Variants in TBCE observed in about 807,000 individuals in gnomAD.
The protein encoded by TBCE is tubulin folding cofactor E, also known as tubulin-specific chaperone E.
TBCE carries 53 observed loss-of-function variants against 77.0 expected under a neutral mutation model. The observed-to-expected ratio is 0.69, with a 90% CI of 0.55 to 0.87. The LOEUF is 0.87. Ranked by LOEUF, TBCE falls within the 40% of genes least tolerant of loss-of-function variation. The probability of loss-of-function intolerance (pLI) is 0.00; values close to 1 mark genes in which losing one functional copy is unlikely to be tolerated. For missense variants in TBCE, 624 were observed against 622.4 expected (o/e 1.00, Z -0.03); for synonymous variants, 235 against 241.3 (o/e 0.97, Z 0.24).
intron 13 of TBCE, among the ~76,000 whole-genome samples, chr1:235,440,575 G>A (rs1681811446): frequency 1.3e-5 from 2 of 151,912 alleles, no homozygotes; most frequent in African/African-American, 4.8e-5. Context: ...TGTATTTTTA[G>A]TAGAGATGGG....
intron 2 of TBCE, among the ~76,000 whole-genome samples, chr1:235,400,118 A>AATT (rs539643741): frequency 6.2e-4 from 94 of 152,252 alleles, no homozygotes; most frequent in African/African-American, 2.0e-3. Flanking sequence ...CTAGTCTAAT[A>AATT]ATTATACCTC....
intron 5 of TBCE, among the ~76,000 whole-genome samples, chr1:235,420,108 G>C (rs778388357): frequency 6.6e-6 from 1 of 152,114 alleles, no homozygotes; most frequent in Non-Finnish European, 1.5e-5. Flanking sequence ...GGGCACACTT[G>C]TTTGGCCTCT....
chr1:235,440,002 G>T (rs753607579), intron 13 of TBCE, among the ~76,000 whole-genome samples: 1 of 151,518 alleles, frequency 6.6e-6, no homozygotes, highest in African/African-American at 2.4e-5. Flanking sequence ...ACGGAGCCTC[G>T]CTCTGTCGCC....
chr1:235,408,053 C>T (rs1020916010), intron 3 of TBCE, among the ~76,000 whole-genome samples: 2 of 152,178 alleles, frequency 1.3e-5, no homozygotes, highest in African/African-American at 4.8e-5. Context: ...CACTAGGGAG[C>T]AGAATCTAAC....
intron 8 of TBCE, 82 bp from the exon 9 acceptor site, chr1:235,435,659 GCACC>G: frequency 1.5e-6 from 2 of 1,316,150 alleles, no homozygotes; most frequent in East Asian, 4.6e-5. Flanking sequence ...GCCCTCCATC[GCACC>G]AAATGCAGGG....
chr1:235,383,261 C>T (rs1364786698), intron 2 of TBCE, among the ~76,000 whole-genome samples: 4 of 151,876 alleles, frequency 2.6e-5, no homozygotes, highest in African/African-American at 9.7e-5. Context: ...ATGCCTCCAG[C>T]TTTGTTCTTT....
rs1444150345 is a variant in TBCE at position 235,452,246 on chromosome 1, C to T, written c.*3484C>T. On this transcript the variant is annotated 3_prime_UTR_variant, in exon 17 of 17. Coordinates refer to ENST00000642610, the MANE Select transcript of TBCE (RefSeq NM_003193.5). ...AGCCAGGATGGTCTCCATCTCCTGA[C>T]CTCATGATCTGCCCGCCTCGGCCTT... 1 of 152,170 alleles carries T rather than the reference C, an allele frequency of 6.6e-6. No individual in the cohort carries two copies. Among genetic ancestry groups the T allele is most frequent in the African/African-American group, 2.4e-5 (1 of 41,428 alleles). The allele number at this position is 152,170 out of a possible 1,614,324, so 9.4% of individuals were successfully genotyped here. A position where few individuals can be genotyped will look rare whatever the true frequency, so the allele number is the denominator to read the frequency against.
At chr1:235,440,332 GCACCATGCT>G (rs1681787618) in intron 13 of TBCE, among the ~76,000 whole-genome samples, 2 of 151,906 alleles carry the variant, frequency 1.3e-5, no homozygotes, top group Admixed American at 6.6e-5. Context: ...TTCAGGTGGC[GCACCATGCT>G]CCACTGTAGG....
intron 2 of TBCE, among the ~76,000 whole-genome samples, chr1:235,380,893 C>T (rs530256094): frequency 6.6e-6 from 1 of 152,276 alleles, no homozygotes; most frequent in South Asian, 2.1e-4. Flanking sequence ...TCAAGCGATT[C>T]TCCTGCCTCA....
intron 4 of TBCE, among the ~76,000 whole-genome samples, chr1:235,418,118 A>G (rs1450829738): frequency 6.6e-6 from 1 of 152,168 alleles, no homozygotes; most frequent in Non-Finnish European, 1.5e-5. Flanking sequence ...TATTTCACCT[A>G]GCATAATACA....
intron 2 of TBCE, among the ~76,000 whole-genome samples, chr1:235,397,203 T>A (rs1158805363): frequency 1.4e-5 from 2 of 144,266 alleles, no homozygotes; most frequent in South Asian, 4.4e-4. Flanking sequence ...TCAATCTCTT[T>A]TTTTTTTTTT....
At chr1:235,390,907 G>A (rs1450739685) in intron 2 of TBCE, among the ~76,000 whole-genome samples, 1 of 152,050 alleles carries the variant, frequency 6.6e-6, no homozygotes, top group Non-Finnish European at 1.5e-5. Flanking sequence ...TCTAGAAGCT[G>A]GAAAAACTTT....
chr1:235,397,906 CTATCA>C (rs1678838949), intron 2 of TBCE, among the ~76,000 whole-genome samples: 1 of 152,144 alleles, frequency 6.6e-6, no homozygotes, highest in Non-Finnish European at 1.5e-5. Flanking sequence ...AGTTGCTCCT[CTATCA>C]TTAATGTACT....
At chr1:235,448,033 A>G (rs993350480) in intron 15 of TBCE, among the ~76,000 whole-genome samples, 1 of 151,886 alleles carries the variant, frequency 6.6e-6, no homozygotes, top group Non-Finnish European at 1.5e-5. Flanking sequence ...ACATGGTGAA[A>G]CCCCGTCTCT....
At chr1:235,392,066 A>G (rs1426402314) in intron 2 of TBCE, among the ~76,000 whole-genome samples, 1 of 152,150 alleles carries the variant, frequency 6.6e-6, no homozygotes, top group Non-Finnish European at 1.5e-5. Flanking sequence ...TCATGCCTGT[A>G]ATTGCAGCAC....
At chr1:235,386,153 C>T (rs535657713) in intron 2 of TBCE, among the ~76,000 whole-genome samples, 3 of 152,328 alleles carry the variant, frequency 2.0e-5, no homozygotes, top group East Asian at 1.9e-4. Flanking sequence ...CTCCCACTCT[C>T]TTCTGGCTTG....
intron 2 of TBCE, among the ~76,000 whole-genome samples, chr1:235,392,226 GT>G (rs1426520471): frequency 6.6e-6 from 1 of 151,668 alleles, no homozygotes; most frequent in African/African-American, 2.4e-5. Flanking sequence ...ATGGTGGCAT[GT>G]GCCTGTAGCC....
Position 235,434,549 on chromosome 1 carries a change from C to CTTTCTT in TBCE, c.737+272_737+273insCTTTTT, listed in dbSNP as rs1553339158. Among the ~76,000 whole-genome samples, 884 of 146,930 alleles carry CTTTCTT rather than the reference C, an allele frequency of 6.0e-3. 14 individuals are homozygous for CTTTCTT. The highest frequency in any genetic ancestry group is 0.021 in the African/African-American group (837 of 39,872). On this transcript the variant is annotated intron_variant, in intron 8 of 16. Coordinates refer to ENST00000642610, the MANE Select transcript of TBCE (RefSeq NM_003193.5). Reference sequence around the variant, plus strand: ...CTTGCTGTTTCTTTTTTTTCTTTTTCTTTTTTTGAGACAGAGTCTCACTCT... The same window carrying CTTTCTT: ...CTTGCTGTTTCTTTTTTTTCTTTTTCTTTCTTTTTTTTTGAGACAGAGTCTCACTCT...
chr1:235,389,347 G>A (rs1323720549), intron 2 of TBCE, among the ~76,000 whole-genome samples: 1 of 151,866 alleles, frequency 6.6e-6, no homozygotes, highest in Non-Finnish European at 1.5e-5. Context: ...GTTTGTTTGA[G>A]GTTGAGTTTC....
Sources: gnomAD v4.1 joint callset for allele counts (sites outside exome capture counted in the v4.1 genomes callset) on GRCh38, gnomAD v4.1.1 for gene constraint, MANE v1.5 for transcripts, NCBI Gene and HGNC (gene_info 2026-07-23, HGNC 2026-07-21) for gene names.